Variants in RALGAPA1 observed in about 807,000 individuals in gnomAD.
RALGAPA1 encodes the protein Ral GTPase activating protein catalytic subunit alpha 1, also known as ral GTPase-activating protein subunit alpha-1.
RALGAPA1 carries 52 observed loss-of-function variants against 269.6 expected under a neutral mutation model. The observed-to-expected ratio is 0.19, with a 90% CI of 0.15 to 0.24. RALGAPA1 has a LOEUF of 0.24. RALGAPA1 is among the 10% of genes least tolerant of loss of function. RALGAPA1 has a pLI of 1.00. For missense variants in RALGAPA1, 1,917 were observed against 3,013.9 expected, an observed-to-expected ratio of 0.64 and a Z score of 8.52; for synonymous variants, 817 against 1,008.3, an observed-to-expected ratio of 0.81 and a Z score of 3.60.
chr14:35,670,392 C>T (rs2064303998), intron 26 of RALGAPA1, among the ~76,000 whole-genome samples: 1 of 152,156 alleles, frequency 6.6e-6, no homozygotes, highest in Non-Finnish European at 1.5e-5. Flanking sequence ...TTTTCATTTA[C>T]ACTTTGCTCC....
intron 31 of RALGAPA1, among the ~76,000 whole-genome samples, chr14:35,638,369 G>A (rs948020597): frequency 6.6e-6 from 1 of 152,068 alleles, no homozygotes; most frequent in African/African-American, 2.4e-5. Context: ...CTTTTTGCTT[G>A]TTGTTTATGC....
At chr14:35,548,424 A>C (rs557590884) in intron 41 of RALGAPA1, 84 bp downstream of exon 41, 1 of 908,192 alleles carries the variant, frequency 1.1e-6, no homozygotes, top group Non-Finnish European at 1.7e-6. Flanking sequence ...CTTATTGTTT[A>C]AGTTACAAGC....
chr14:35,737,050 A>G (rs2071070656), intron 12 of RALGAPA1, among the ~76,000 whole-genome samples: 1 of 152,026 alleles, frequency 6.6e-6, no homozygotes, highest in South Asian at 2.1e-4. Context: ...AAAAAAAAAA[A>G]AAAGTGAATG....
At chr14:35,570,565 T>G in intron 39 of RALGAPA1, 52 bp downstream of exon 39, 8 of 1,407,110 alleles carry the variant, frequency 5.7e-6, no homozygotes, top group Non-Finnish European at 7.6e-6. Flanking sequence ...ATATTTACCT[T>G]TGTGAGTAGA....
At chr14:35,765,946 C>T in intron 4 of RALGAPA1, 1 of 1,360,940 alleles carries the variant, frequency 7.3e-7, no homozygotes, top group Non-Finnish European at 1.0e-6. Context: ...GTATTTGGAC[C>T]AGTTAAAAAC....
chr14:35,793,363 G>A (rs1319811230), intron 1 of RALGAPA1, among the ~76,000 whole-genome samples: 2 of 151,202 alleles, frequency 1.3e-5, no homozygotes, highest in African/African-American at 4.9e-5. Context: ...TCAGCCTCCC[G>A]TGTAGCTGGG....
intron 37 of RALGAPA1, among the ~76,000 whole-genome samples, chr14:35,579,589 A>G (rs1368649740): frequency 7.1e-6 from 1 of 140,088 alleles, no homozygotes; most frequent in Admixed American, 7.6e-5. Flanking sequence ...GTGTGGCAAC[A>G]TAGTGAGACT....
At chr14:35,712,239 T>TC (rs138149942) in intron 16 of RALGAPA1, among the ~76,000 whole-genome samples, 5,375 of 118,240 alleles carry the variant, frequency 0.045, 288 homozygotes, top group African/African-American at 0.16. Flanking sequence ...AGAGCATGTC[T>TC]CAAAAAAAAA....
At chr14:35,617,916 T>G (rs1343398749) in intron 35 of RALGAPA1, among the ~76,000 whole-genome samples, 1 of 151,614 alleles carries the variant, frequency 6.6e-6, no homozygotes, top group Non-Finnish European at 1.5e-5. Flanking sequence ...AAAAGAAAAT[T>G]TAATAAAAAT....
At chr14:35,543,367 C>T (rs756082937) in intron 41 of RALGAPA1, among the ~76,000 whole-genome samples, 5 of 152,004 alleles carry the variant, frequency 3.3e-5, no homozygotes, top group Admixed American at 6.5e-5. Flanking sequence ...GGATTAGAAA[C>T]GAAGGGATAG....
intron 35 of RALGAPA1, among the ~76,000 whole-genome samples, chr14:35,609,820 G>T (rs1325703803): frequency 6.6e-6 from 1 of 151,264 alleles, no homozygotes; most frequent in African/African-American, 2.4e-5. Flanking sequence ...GCCCCTACTT[G>T]GGGAGGCTAA....
At chr14:35,629,282 G>GGTGTGT (rs33989714) in intron 33 of RALGAPA1, among the ~76,000 whole-genome samples, 23 of 145,386 alleles carry the variant, frequency 1.6e-4, no homozygotes, top group South Asian at 2.3e-4. Flanking sequence ...ATGTTTAGGG[G>GGTGTGT]GTGTGTGTGT....
chr14:35,789,176 T>G (rs1342991198), intron 1 of RALGAPA1, among the ~76,000 whole-genome samples: 2 of 152,056 alleles, frequency 1.3e-5, no homozygotes, highest in African/African-American at 2.4e-5. Context: ...CCTGAGATTT[T>G]AAAGAAGACT....
intron 25 of RALGAPA1, 70 bp from the exon 26 acceptor site, chr14:35,671,587 T>G: frequency 1.3e-6 from 1 of 756,862 alleles, no homozygotes; most frequent in Non-Finnish European, 2.2e-6. Context: ...ATCAGTATCA[T>G]TAAAAATAGA....
At chr14:35,758,458 A>G (rs2073396148) in intron 6 of RALGAPA1, among the ~76,000 whole-genome samples, 2 of 152,100 alleles carry the variant, frequency 1.3e-5, no homozygotes, top group South Asian at 2.1e-4. Flanking sequence ...CAGAGACTCC[A>G]TATTTTCCAC....
chr14:35,614,980 T>G (rs2060162452), intron 35 of RALGAPA1, among the ~76,000 whole-genome samples: 1 of 151,992 alleles, frequency 6.6e-6, no homozygotes, highest in African/African-American at 2.4e-5. Context: ...AGAAGCAGAG[T>G]TCAGCTGCCC....
chr14:35,605,611 T>A lies in RALGAPA1; in HGVS notation c.7028A>T (p.Asp2343Val). 2 of 1,606,324 alleles carry A rather than the reference T, an allele frequency of 1.2e-6. No individual in the cohort carries two copies. Among genetic ancestry groups the A allele is most frequent in the Non-Finnish European group, 1.7e-6 (2 of 1,177,800 alleles). Reference sequence around the variant, plus strand: ...CTCCCAACCAAGACCAGCTACAAAATCTTCATATGCTTGACTTCCTCCTGT... The same window carrying A: ...CTCCCAACCAAGACCAGCTACAAAAACTTCATATGCTTGACTTCCTCCTGT... ...TNTGGSQAYE[D>V]FVAGLGWEVN... Residue 2343 changes from aspartate (D) to valine (V), a missense_variant, in exon 36 of 42, where the codon GAT becomes GTT. By Grantham distance (152) the Asp-to-Val change is radical. This residue lies in a region of RALGAPA1 where 132 missense variants were observed against 271.2 expected (regional missense o/e 0.49). Transcript: ENST00000680220.
intron 4 of RALGAPA1, among the ~76,000 whole-genome samples, chr14:35,768,898 C>G (rs1292278828): frequency 6.8e-6 from 1 of 147,308 alleles, no homozygotes; most frequent in Non-Finnish European, 1.5e-5. Flanking sequence ...ATCCCAGCTA[C>G]TCGGGAGGCT....
chr14:35,656,838 T>C (rs533249187), intron 28 of RALGAPA1, among the ~76,000 whole-genome samples: 49 of 152,150 alleles, frequency 3.2e-4, no homozygotes, highest in Non-Finnish European at 6.9e-4. Context: ...TTTTTCCCTA[T>C]TGTTGTTCAC....
Sources: allele counts gnomAD v4.1 joint callset (sites outside exome capture counted in the v4.1 genomes callset), GRCh38; gene constraint gnomAD v4.1.1; regional missense constraint gnomAD v4.1.1; transcripts MANE v1.5; gene names NCBI Gene and HGNC (gene_info 2026-07-23, HGNC 2026-07-21).